Variants in POU2AF3 observed in about 807,000 individuals in gnomAD.
POU2AF3 encodes the protein POU class 2 homeobox associating factor 3.
the POU2AF3 span, chr11:111,300,165 G>A: frequency 5.7e-6 from 2 of 350,418 alleles, no homozygotes; most frequent in African/African-American, 2.1e-5. Context: ...GGCTGTCTGG[G>A]TCTGAAAGCC....
the POU2AF3 span, chr11:111,298,825 G>GGCGGGGGGCC: frequency 2.3e-6 from 2 of 852,674 alleles, no homozygotes; most frequent in Non-Finnish European, 3.1e-6. Context: ...GCGTACCCCA[G>GGCGGGGGGCC]GCCCCCGCCC....
At chr11:111,299,768 A>G in the POU2AF3 span, 2 of 1,193,884 alleles carry the variant, frequency 1.7e-6, no homozygotes, top group Middle Eastern at 3.1e-4. Context: ...GCGGGGGCGA[A>G]GGAGGGAGGA....
chr11:111,298,826 G>GGGGGGGGGGGGGGGC, the POU2AF3 span: 2 of 790,960 alleles, frequency 2.5e-6, no homozygotes, highest in Non-Finnish European at 3.4e-6. Flanking sequence ...CGTACCCCAG[G>GGGGGGGGGGGGGGGC]CCCCCGCCCG....
chr11:111,298,905 C>G, the POU2AF3 span: 3 of 1,102,354 alleles, frequency 2.7e-6, no homozygotes, highest in Non-Finnish European at 3.3e-6. Context: ...GAAGCTGCTA[C>G]GGGGGGAGCT....
chr11:111,298,826 G>GCGGGGGGGCCC, the POU2AF3 span: 39 of 790,956 alleles, frequency 4.9e-5, no homozygotes, highest in Non-Finnish European at 6.4e-5. Flanking sequence ...CGTACCCCAG[G>GCGGGGGGGCCC]CCCCCGCCCG....
chr11:111,303,755 C>T, the POU2AF3 span, among the ~76,000 whole-genome samples: 1 of 152,160 alleles, frequency 6.6e-6, no homozygotes. Context: ...TGGCTGCCTG[C>T]ACAGCTCTCC....
At chr11:111,302,709 T>C in the POU2AF3 span, among the ~76,000 whole-genome samples, 2 of 152,216 alleles carry the variant, frequency 1.3e-5, no homozygotes, top group African/African-American at 4.8e-5. Flanking sequence ...CCTGCTCTAC[T>C]TTGCTTCCCT....
chr11:111,300,207 C>A, the POU2AF3 span: 1 of 325,122 alleles, frequency 3.1e-6, no homozygotes, highest in Non-Finnish European at 5.6e-6. Flanking sequence ...GAGTGGTGGG[C>A]TCCGCTGCAC....
At chr11:111,300,474 A>G in the POU2AF3 span, 2 of 935,912 alleles carry the variant, frequency 2.1e-6, no homozygotes. Flanking sequence ...CCCACTCTGC[A>G]CCCTGGCACC....
At chr11:111,298,827 C>CCGGGGGG in the POU2AF3 span, 12 of 631,562 alleles carry the variant, frequency 1.9e-5, no homozygotes, top group Non-Finnish European at 2.2e-5. Flanking sequence ...GTACCCCAGG[C>CCGGGGGG]CCCCGCCCGC....
At chr11:111,299,746 G>T in the POU2AF3 span, 3 of 1,228,230 alleles carry the variant, frequency 2.4e-6, no homozygotes, top group Non-Finnish European at 3.0e-6. Context: ...GGGGAAGAAG[G>T]GGAGAGTAGG....
chr11:111,303,331 C>T, the POU2AF3 span, among the ~76,000 whole-genome samples: 28 of 152,286 alleles, frequency 1.8e-4, no homozygotes, highest in African/African-American at 6.0e-4. Context: ...ATTTACCTTT[C>T]TTTTTTTAAA....
chr11:111,303,047 A>T, the POU2AF3 span, among the ~76,000 whole-genome samples: 1 of 152,238 alleles, frequency 6.6e-6, no homozygotes. Context: ...TTAATTTGTT[A>T]TAAAGTCAGT....
At chr11:111,300,330 C>G in the POU2AF3 span, 1 of 342,532 alleles carries the variant, frequency 2.9e-6, no homozygotes, top group Non-Finnish European at 5.2e-6. Flanking sequence ...TACTGGGGCT[C>G]TGAAACCTGC....
chr11:111,304,422 A>T, the POU2AF3 span, among the ~76,000 whole-genome samples: 23 of 152,310 alleles, frequency 1.5e-4, no homozygotes, highest in African/African-American at 5.3e-4. Context: ...TATTTACATT[A>T]ATTTTTTACT....
the POU2AF3 span, among the ~76,000 whole-genome samples, chr11:111,303,320 C>A: frequency 3.5e-4 from 54 of 152,310 alleles, no homozygotes; most frequent in Non-Finnish European, 7.4e-4. Flanking sequence ...CAAAAGATAT[C>A]ATTTACCTTT....
chr11:111,298,945 C>A, the POU2AF3 span: 2 of 1,032,602 alleles, frequency 1.9e-6, no homozygotes, highest in South Asian at 9.2e-5. Flanking sequence ...GGGACGGGGG[C>A]AGAGCGCACC....
the POU2AF3 span, among the ~76,000 whole-genome samples, chr11:111,301,984 A>G: frequency 1.3e-5 from 2 of 152,342 alleles, no homozygotes; most frequent in Admixed American, 1.3e-4. Context: ...AAGGACCTCC[A>G]TGTGCAGAAT....
the POU2AF3 span, among the ~76,000 whole-genome samples, chr11:111,301,903 T>G: frequency 1.3e-5 from 2 of 152,194 alleles, no homozygotes; most frequent in African/African-American, 2.4e-5. Flanking sequence ...TCACACCCTT[T>G]GCTCAGAGTT....
Sources: gnomAD v4.1 joint callset for allele counts (sites outside exome capture counted in the v4.1 genomes callset) on GRCh38, gnomAD v4.1.1 for gene constraint, MANE v1.5 for transcripts, NCBI Gene and HGNC (gene_info 2026-07-23, HGNC 2026-07-21) for gene names.